LOX: variants seen among roughly 807,000 people sequenced by gnomAD.
LOX encodes the protein lysyl oxidase.
Under a neutral mutation model 50.5 loss-of-function variants are expected in LOX, and 12 were observed. The ratio of observed to expected loss-of-function variants is 0.24; its 90% CI spans 0.15 to 0.38. The LOEUF is 0.38. Ranked by LOEUF, LOX falls within the 10% of genes least tolerant of loss-of-function variation. The pLI, the probability that LOX is intolerant of heterozygous loss-of-function variation, is 1.00. For synonymous variants in LOX, 254 were observed against 230.6 expected, an observed-to-expected ratio of 1.10 and a Z score of -0.92; for missense variants, 504 against 563.8, an observed-to-expected ratio of 0.89 and a Z score of 1.07.
chr5:122,072,334 A>G (rs1754474734), intron 4 of LOX, among the ~76,000 whole-genome samples: 2 of 152,234 alleles, frequency 1.3e-5, no homozygotes, highest in South Asian at 2.1e-4. Context: ...TCATGTAGGC[A>G]AAGTCAAAAT....
At position 122,066,661 on chromosome 5, in the gene LOX, A is replaced by G; in HGVS notation, c.*82T>C. On this transcript the variant is annotated 3_prime_UTR_variant, in exon 7 of 7. Coordinates refer to ENST00000231004, the MANE Select transcript of LOX (RefSeq NM_002317.7). ...TTCTGTTCTCTTTTTCAAAATACAT[A>G]AATCCTACTGAAGTTAGTCTATTTT... 1 of 1,115,040 alleles carries G rather than the reference A, an allele frequency of 9.0e-7. No individual in the cohort carries two copies. Among genetic ancestry groups the G allele is most frequent in the East Asian group, 2.4e-5 (1 of 42,508 alleles). 69.1% of individuals were successfully genotyped at this position (1,115,040 alleles called of 1,614,324 possible). A position where few individuals can be genotyped will look rare whatever the true frequency, so the allele number is the denominator to read the frequency against.
Position 122,066,711 on chromosome 5 carries a change from T to C in LOX, c.*32A>G, listed in dbSNP as rs145238486. ...TTTCCCACTTCAGAACACCAGGCAC[T>C]GATTTATCCATTGGGAGTTTTGCTT... is the stretch of plus-strand genomic sequence containing the variant. On this transcript the variant is annotated 3_prime_UTR_variant, in exon 7 of 7. Coordinates refer to ENST00000231004, the MANE Select transcript of LOX (RefSeq NM_002317.7). 4.7e-5 allele frequency: 74 copies of C among 1,590,172 alleles called. No individual in the cohort carries two copies. In the East Asian group the frequency reaches 1.1e-3, roughly 23 times the overall value.
chr5:122,072,005 T>C (rs1175622514), intron 4 of LOX, among the ~76,000 whole-genome samples: 1 of 152,214 alleles, frequency 6.6e-6, no homozygotes. Context: ...TGTTGAGTAG[T>C]AAATATAAAA....
chr5:122,066,997 C>T (rs1289784428), intron 6 of LOX, among the ~76,000 whole-genome samples: 1 of 152,134 alleles, frequency 6.6e-6, no homozygotes, highest in Non-Finnish European at 1.5e-5. Flanking sequence ...GAAACCACTT[C>T]TGAAACACTC....
chr5:122,069,521 A>G (rs1368506293), intron 6 of LOX, among the ~76,000 whole-genome samples: 1 of 152,100 alleles, frequency 6.6e-6, no homozygotes, highest in Non-Finnish European at 1.5e-5. Context: ...ATTATGAAGA[A>G]ACCTCCACAC....
rs1256646726 is a variant in LOX at position 122,064,882 on chromosome 5, T to A, written c.*1861A>T. The stretch of plus-strand genomic sequence containing the variant: ...CTAGTTTTTAATACAAGCTTAAGAA[T>A]CAATAAAATGATAGATCTGAAATCT... On this transcript the variant is annotated 3_prime_UTR_variant, in exon 7 of 7. Transcript: ENST00000231004. 6.6e-6 allele frequency: 1 copy of A among 152,028 alleles called. No individual in the cohort carries two copies. Among genetic ancestry groups the A allele is most frequent in the African/African-American group, 2.4e-5 (1 of 41,430 alleles). The allele number at this position is 152,028 out of a possible 1,614,324, so 9.4% of individuals were successfully genotyped here.
At chr5:122,069,895 T>A (rs1163013050) in intron 6 of LOX, 158 bp downstream of exon 6, 1 of 691,698 alleles carries the variant, frequency 1.4e-6, no homozygotes, top group Non-Finnish European at 2.7e-6. Context: ...TTCCATTATT[T>A]AAAAAAATAA....
At chr5:122,069,523 C>G (rs867434810) in intron 6 of LOX, among the ~76,000 whole-genome samples, 1 of 152,130 alleles carries the variant, frequency 6.6e-6, no homozygotes, top group East Asian at 1.9e-4. Context: ...TATGAAGAAA[C>G]CTCCACACAC....
At chr5:122,070,350 A>G in intron 5 of LOX, 144 bp downstream of exon 5, 2 of 637,214 alleles carry the variant, frequency 3.1e-6, no homozygotes, top group Admixed American at 2.9e-5. Flanking sequence ...AAAATAAGAC[A>G]GATTAGATTA....
In LOX at chr5:122,077,444, T is replaced by A; in HGVS notation, c.542A>T (p.Asn181Ile). ...PYNPYKYSDDNPYYNYYDTYE... is the reference protein window; with the variant it reads ...PYNPYKYSDDIPYYNYYDTYE... ...AGTATCGTAGTAGTTGTAATAAGGG[T>A]TGTCGTCAGAGTACTTGTAGGGGTT... The change falls in exon 1 of 7, where the codon AAC becomes ATC. Residue 181 changes from asparagine to isoleucine, a missense_variant. Asn to Ile is a moderately radical substitution (Grantham distance 149). This residue lies in a region of LOX where 398 missense variants were observed against 365.8 expected (regional missense o/e 1.09). Coordinates refer to ENST00000231004, the MANE Select transcript of LOX (RefSeq NM_002317.7). The surrounding 1 kb of genome is among the most constrained non-coding windows in gnomAD (Gnocchi z 4.9). 1 of 1,613,988 alleles carries A rather than the reference T, an allele frequency of 6.2e-7. No individual in the cohort carries two copies. Among genetic ancestry groups the A allele is most frequent in the Non-Finnish European group, 8.5e-7 (1 of 1,179,968 alleles).
chr5:122,065,644 C>A lies in LOX; in HGVS notation c.*1099G>T, dbSNP rs571304437. The A allele has an allele frequency of 6.6e-6, 1 of 152,132 alleles. No individual in the cohort carries two copies. The highest frequency in any genetic ancestry group is 2.1e-4 in the South Asian group (1 of 4,824). The allele number at this position is 152,132 out of a possible 1,614,324, so 9.4% of individuals were successfully genotyped here. A position where few individuals can be genotyped will look rare whatever the true frequency, so the allele number is the denominator to read the frequency against. On this transcript the variant is annotated 3_prime_UTR_variant, in exon 7 of 7. Transcript: ENST00000231004. ...ACATGTGTGACTGATTCCTGAATAA[C>A]CCAGGATGATGTTCCTGTGTTCTAG... is the stretch of plus-strand genomic sequence containing the variant.
Position 122,076,908 on chromosome 5 carries a change from T to C in LOX, c.725A>G (p.Glu242Gly). ...SMYNLRCAAE[E>G]NCLASTAYRA... ...CAGCCCGTACCTGGCCAGACAGTTT[T>C]CCTCCGCCGCGCATCTCAGGTTGTA... Residue 242 changes from glutamate (E) to glycine (G), a missense_variant, in exon 2 of 7, where the codon GAA (glutamate) becomes GGA (glycine). Physicochemically the swap from Glu to Gly is moderately conservative, Grantham distance 98 (BLOSUM62 -2). Coordinates refer to ENST00000231004, the MANE Select transcript of LOX (RefSeq NM_002317.7). 1 of 1,614,048 alleles carries C rather than the reference T, an allele frequency of 6.2e-7. No homozygotes were observed. Among genetic ancestry groups the C allele is most frequent in the Non-Finnish European group, 8.5e-7 (1 of 1,180,000 alleles).
In LOX at chr5:122,078,141, A is replaced by C; in HGVS notation, c.-156T>G. The C allele has an allele frequency of 1.6e-6, 1 of 614,958 alleles. No individual in the cohort carries two copies. The highest frequency in any genetic ancestry group is 2.5e-6 in the Non-Finnish European group (1 of 402,916). The allele number at this position is 614,958 out of a possible 1,614,324, so 38.1% of individuals were successfully genotyped here. On this transcript the variant is annotated 5_prime_UTR_variant, in exon 1 of 7. Transcript: ENST00000231004. The stretch of plus-strand genomic sequence containing the variant: ...TCCACCAAGCAATGCCAAGGGTGGG[A>C]TTCAGACCCTTCCCCAGTCAAGGCG...
At chr5:122,070,440 G>A (rs368688278) in intron 5 of LOX, 54 bp downstream of exon 5, 14 of 932,334 alleles carry the variant, frequency 1.5e-5, no homozygotes, top group Admixed American at 2.0e-5. Context: ...ATCCAGAGAA[G>A]AGGGCCTATT....
intron 2 of LOX, 143 bp downstream of exon 2, chr5:122,076,750 C>T (rs888712397): frequency 3.1e-6 from 2 of 653,620 alleles, no homozygotes; most frequent in Non-Finnish European, 5.4e-6. Context: ...GGTCAGCATG[C>T]CCAGGAGGTC....
At chr5:122,072,597 GTCA>G (rs1371409048) in intron 4 of LOX, among the ~76,000 whole-genome samples, 1 of 152,096 alleles carries the variant, frequency 6.6e-6, no homozygotes, top group Non-Finnish European at 1.5e-5. Flanking sequence ...ACTAATCTGA[GTCA>G]TCATTAGGTG....
chr5:122,077,040 C>T lies in LOX; in HGVS notation c.632-39G>A. Reference sequence around the variant, plus strand: ...GGCGACGGGCGCAGCAGTGAAACAACCCGGCGCCCCCCGCTCCAACTCCCT... The same window carrying T: ...GGCGACGGGCGCAGCAGTGAAACAATCCGGCGCCCCCCGCTCCAACTCCCT... On this transcript the variant is annotated intron_variant, in intron 1 of 6. Coordinates refer to ENST00000231004, the MANE Select transcript of LOX (RefSeq NM_002317.7). The surrounding 1 kb of genome is among the most constrained non-coding windows in gnomAD (Gnocchi z 4.9). 1.2e-6 allele frequency: 2 copies of T among 1,605,566 alleles called. No homozygotes were observed. The highest frequency in any genetic ancestry group is 8.5e-7 in the Non-Finnish European group (1 of 1,178,862).
At position 122,063,565 on chromosome 5, in the gene LOX, G is replaced by A. The variant is rs1310524863; in HGVS notation, c.*3178C>T. 1 of 151,804 alleles carries A rather than the reference G, an allele frequency of 6.6e-6. No homozygotes were observed. The highest frequency in any genetic ancestry group is 1.9e-4 in the East Asian group (1 of 5,188). The allele number at this position is 151,804 out of a possible 1,614,324, so 9.4% of individuals were successfully genotyped here. ...ATGTTTAGTGTTTAAAAGTGGCCCA[G>A]GAATTTTGGTAGCTAGGAATGAGAC... On this transcript the variant is annotated 3_prime_UTR_variant, in exon 7 of 7. Transcript: ENST00000231004.
rs1261420416 is a variant in LOX at position 122,077,441 on chromosome 5, G to C, written c.545C>G (p.Pro182Arg). 6.2e-7 allele frequency: 1 copy of C among 1,614,152 alleles called. No individual in the cohort carries two copies. Among genetic ancestry groups the C allele is most frequent in the Non-Finnish European group, 8.5e-7 (1 of 1,180,016 alleles). Reference sequence around the variant, plus strand: ...ATAAGTATCGTAGTAGTTGTAATAAGGGTTGTCGTCAGAGTACTTGTAGGG... The same window carrying C: ...ATAAGTATCGTAGTAGTTGTAATAACGGTTGTCGTCAGAGTACTTGTAGGG... ...YNPYKYSDDNPYYNYYDTYER... is the reference protein window; with the variant it reads ...YNPYKYSDDNRYYNYYDTYER... The change falls in exon 1 of 7, where the codon CCT becomes CGT. Residue 182 changes from proline to arginine, a missense_variant. Physicochemically the swap from Pro to Arg is moderately radical, Grantham distance 103. This residue lies in a region of LOX where 398 missense variants were observed against 365.8 expected (regional missense o/e 1.09). Coordinates refer to ENST00000231004, the MANE Select transcript of LOX (RefSeq NM_002317.7). This position sits in a 1 kb window ranked among gnomAD's most constrained non-coding sequence, Gnocchi z 4.9.
Sources: gnomAD v4.1 joint callset for allele counts (sites outside exome capture counted in the v4.1 genomes callset) on GRCh38, gnomAD v4.1.1 for gene constraint, gnomAD v4.1.1 regional missense constraint, Gnocchi (gnomAD v3.1) non-coding constraint, MANE v1.5 for transcripts, NCBI Gene and HGNC (gene_info 2026-07-23, HGNC 2026-07-21) for gene names.